The following BBS2 variants were observed in gnomAD, a reference collection of about 807,000 sequenced individuals.
BBS2 encodes BBSome complex member BBS2.
BBS2 carries 62 observed loss-of-function variants against 83.0 expected under a neutral mutation model. The observed-to-expected ratio is 0.75, with a 90% CI of 0.61 to 0.92. The LOEUF (loss-of-function observed/expected upper bound fraction) is 0.92, where lower values mean the gene tolerates loss of function less well. Among genes scored for constraint, BBS2 ranks in the 40% least tolerant of loss-of-function variants. BBS2 has a pLI of 0.00. For synonymous variants in BBS2, 303 were observed against 326.1 expected (o/e 0.93, Z 0.76); for missense variants, 784 against 901.0 (o/e 0.87, Z 1.66).
intron 12 of BBS2, 167 bp from the exon 13 acceptor site, chr16:56,498,735 C>A: frequency 6.6e-7 from 1 of 1,508,930 alleles, no homozygotes; most frequent in South Asian, 1.3e-5. Flanking sequence ...TACTTCATCC[C>A]ACACCAAGAA....
At chr16:56,515,048 G>T (rs1252860263) in intron 1 of BBS2, among the ~76,000 whole-genome samples, 1 of 152,150 alleles carries the variant, frequency 6.6e-6, no homozygotes, top group African/African-American at 2.4e-5. Context: ...CACACACCAA[G>T]AAGATCATGG....
chr16:56,507,924 C>T (rs538972522), intron 5 of BBS2, among the ~76,000 whole-genome samples: 49 of 152,172 alleles, frequency 3.2e-4, no homozygotes, highest in African/African-American at 1.0e-3. Flanking sequence ...GCCAAGATCA[C>T]GCCACTGCAC....
chr16:56,478,757 T>C (rs1298798552), intron 17 of BBS2: 5 of 152,208 alleles, frequency 3.3e-5, no homozygotes, highest in Non-Finnish European at 5.9e-5. Flanking sequence ...GTTTATGATC[T>C]GTCAACACAT....
At position 56,476,294 on chromosome 16, in the gene BBS2, A is replaced by G. The variant is rs1314011678; in HGVS notation, c.*1-5599T>C. 4.6e-5 allele frequency: 57 copies of G among 1,250,242 alleles called. No homozygotes were observed. In the South Asian group the frequency reaches 5.5e-4, roughly 12 times the overall value. 77.4% of individuals were successfully genotyped at this position (1,250,242 alleles called of 1,614,324 possible). On this transcript the variant is annotated intron_variant, in intron 17 of 17. Transcript: ENST00000682047. ...TAAGCATGGAGTCAAGGAGAACTAC[A>G]TGGTAGCTTGCCTGACAGTGTTCTT...
intron 14 of BBS2, 92 bp downstream of exon 14, chr16:56,497,651 C>G: frequency 6.4e-7 from 1 of 1,557,660 alleles, no homozygotes; most frequent in South Asian, 1.1e-5. Flanking sequence ...GAAAACATCA[C>G]TATAACATAA....
At chr16:56,486,965 T>A (rs1451431846) in intron 15 of BBS2, among the ~76,000 whole-genome samples, 2 of 152,056 alleles carry the variant, frequency 1.3e-5, no homozygotes, top group Admixed American at 1.3e-4. Context: ...GGTTTCACCA[T>A]GTTGGCCAGG....
At chr16:56,506,329 A>G (rs768171047) in intron 5 of BBS2, 105 bp from the exon 6 acceptor site, 6 of 882,596 alleles carry the variant, frequency 6.8e-6, no homozygotes, top group Non-Finnish European at 1.1e-5. Context: ...CTATGTTAAA[A>G]TTAGATTTAA....
chr16:56,507,684 C>T (rs1045663485), intron 5 of BBS2, among the ~76,000 whole-genome samples: 3 of 151,948 alleles, frequency 2.0e-5, no homozygotes, highest in Admixed American at 2.0e-4. Flanking sequence ...AACAGACTCC[C>T]GGGCCAGGCA....
At chr16:56,508,747 G>A (rs914482900) in intron 5 of BBS2, among the ~76,000 whole-genome samples, 5 of 152,062 alleles carry the variant, frequency 3.3e-5, no homozygotes, top group Non-Finnish European at 5.9e-5. Context: ...CTGGGCTCAA[G>A]GGATCCTCCT....
intron 17 of BBS2, chr16:56,476,165 G>C (rs1963467094): frequency 1.2e-6 from 2 of 1,613,104 alleles, no homozygotes; most frequent in South Asian, 2.2e-5. Context: ...TTCCCAAACA[G>C]AACAGGTTTC....
intron 17 of BBS2, chr16:56,475,006 C>G: frequency 6.4e-7 from 1 of 1,573,694 alleles, no homozygotes; most frequent in East Asian, 2.3e-5. Flanking sequence ...GCAGTCTCTT[C>G]TGAGGGACCC....
chr16:56,498,395 A>C, intron 13 of BBS2, 42 bp downstream of exon 13: 2 of 1,606,866 alleles, frequency 1.2e-6, no homozygotes, highest in South Asian at 1.1e-5. Context: ...TGAATAAATA[A>C]ATTCAAAAAA....
At chr16:56,500,525 T>C (rs1444195538) in intron 11 of BBS2, 5 of 312,842 alleles carry the variant, frequency 1.6e-5, no homozygotes, top group Non-Finnish European at 3.0e-5. Context: ...CTCAGGAGGC[T>C]GAGGCAGAAG....
chr16:56,519,583 C>A, intron 1 of BBS2, 163 bp downstream of exon 1: 1 of 619,438 alleles, frequency 1.6e-6, no homozygotes, highest in South Asian at 1.9e-5. Context: ...CTCTAAGACC[C>A]CACTGTCCTC....
intron 17 of BBS2, among the ~76,000 whole-genome samples, chr16:56,471,151 A>C (rs1963160437): frequency 6.6e-6 from 1 of 151,800 alleles, no homozygotes; most frequent in Non-Finnish European, 1.5e-5. Flanking sequence ...CAGGAGTTCG[A>C]GACCAGCCTG....
At chr16:56,489,186 A>T (rs1963869338) in intron 15 of BBS2, among the ~76,000 whole-genome samples, 2 of 152,134 alleles carry the variant, frequency 1.3e-5, no homozygotes, top group African/African-American at 2.4e-5. Context: ...CAAAAATAAA[A>T]AAAAATTAGC....
Position 56,519,906 on chromosome 16 carries a change from G to A in BBS2, c.-44C>T. 6.5e-7 allele frequency: 1 copy of A among 1,529,468 alleles called. No individual in the cohort carries two copies. The allele number at this position is 1,529,468 out of a possible 1,614,324, so 94.7% of individuals were successfully genotyped here. A position where few individuals can be genotyped will look rare whatever the true frequency, so the allele number is the denominator to read the frequency against. On this transcript the variant is annotated 5_prime_UTR_variant, in exon 1 of 17. Transcript: ENST00000245157. The stretch of plus-strand genomic sequence containing the variant: ...GAGGAGGGCTGGAAGCTGGAGACAA[G>A]CGCAGCGGAGCTGGCCTCACGCGCC...
chr16:56,496,313 A>G (rs1353957758), intron 15 of BBS2, among the ~76,000 whole-genome samples: 4 of 152,246 alleles, frequency 2.6e-5, no homozygotes, highest in Non-Finnish European at 5.9e-5. Flanking sequence ...AGAAAAATTC[A>G]GAATATTTAA....
chr16:56,488,501 A>G (rs1188461374), intron 15 of BBS2, among the ~76,000 whole-genome samples: 1 of 152,236 alleles, frequency 6.6e-6, no homozygotes, highest in Non-Finnish European at 1.5e-5. Context: ...TACAAAGGAT[A>G]CAGATGAAGA....
Sources: allele counts gnomAD v4.1 joint callset (sites outside exome capture counted in the v4.1 genomes callset), GRCh38; gene constraint gnomAD v4.1.1; transcripts MANE v1.5; gene names NCBI Gene and HGNC (gene_info 2026-07-23, HGNC 2026-07-21).